The following THSD4 variants were observed in gnomAD, a reference collection of about 807,000 sequenced individuals.
THSD4 encodes thrombospondin type-1 domain-containing protein 4.
A neutral mutation model predicts 119.0 loss-of-function variants in THSD4; 69 were observed. That is an observed-to-expected ratio of 0.58 (90% CI 0.48 to 0.71). The LOEUF is 0.71. Ranked by LOEUF, THSD4 falls within the 30% of genes least tolerant of loss-of-function variation. THSD4 has a pLI of 0.00. For synonymous variants in THSD4, 524 were observed against 540.4 expected (o/e 0.97, Z 0.42); for missense variants, 1,393 against 1,391.1 (o/e 1.00, Z -0.02).
chr15:71,384,593 C>T (rs1369457862), intron 6 of THSD4, among the ~76,000 whole-genome samples: 1 of 152,024 alleles, frequency 6.6e-6, no homozygotes, highest in East Asian at 1.9e-4. Flanking sequence ...TTTTTATTTG[C>T]CTTTTGCAAA....
intron 7 of THSD4, among the ~76,000 whole-genome samples, chr15:71,571,933 C>G (rs1423645853): frequency 6.6e-6 from 1 of 152,168 alleles, no homozygotes; most frequent in African/African-American, 2.4e-5. Flanking sequence ...ATTATATTTT[C>G]TTTCTTCAGC....
chr15:71,435,546 G>A (rs548227322), intron 7 of THSD4, among the ~76,000 whole-genome samples: 1 of 152,312 alleles, frequency 6.6e-6, no homozygotes, highest in East Asian at 1.9e-4. Context: ...TTCATGGAAA[G>A]TCCCTGAGGT....
chr15:71,530,909 G>C (rs1567023273), intron 7 of THSD4, among the ~76,000 whole-genome samples: 2 of 145,082 alleles, frequency 1.4e-5, no homozygotes, highest in Admixed American at 7.1e-5. Flanking sequence ...TCTAGAAAGT[G>C]AAGTACAGGG....
At chr15:71,676,808 T>G (rs935259929) in intron 8 of THSD4, among the ~76,000 whole-genome samples, 1 of 152,214 alleles carries the variant, frequency 6.6e-6, no homozygotes, top group Non-Finnish European at 1.5e-5. Flanking sequence ...AGAATTTCAT[T>G]TCTTTTTTAT....
chr15:71,542,496 C>T lies in THSD4; in HGVS notation c.1153-118034C>T, dbSNP rs529893173. ...TCATATTGAAATAGAATACCCCTGA[C>T]GAATGTGATAAGAAGGGCATTTTGC... is the stretch of plus-strand genomic sequence containing the variant. On this transcript the variant is annotated intron_variant, in intron 7 of 17. Transcript: ENST00000261862. 4.6e-5 allele frequency among the ~76,000 whole-genome samples: 7 copies of T among 152,052 alleles called. No homozygotes were observed. In the East Asian group the frequency reaches 1.4e-3, roughly 29 times the overall value.
At chr15:71,594,578 G>C (rs932002271) in intron 7 of THSD4, among the ~76,000 whole-genome samples, 3 of 152,096 alleles carry the variant, frequency 2.0e-5, no homozygotes, top group Non-Finnish European at 4.4e-5. Context: ...AATCAAAGAG[G>C]CTCCCCACAT....
At chr15:71,282,424 AAAG>A (rs1007348132) in intron 6 of THSD4, among the ~76,000 whole-genome samples, 7 of 138,900 alleles carry the variant, frequency 5.0e-5, no homozygotes, top group Non-Finnish European at 8.0e-5. Context: ...AAATAGGAAA[AAAG>A]AAGACAAGGA....
At chr15:71,536,889 T>C (rs2048695261) in intron 7 of THSD4, among the ~76,000 whole-genome samples, 1 of 152,176 alleles carries the variant, frequency 6.6e-6, no homozygotes, top group South Asian at 2.1e-4. Flanking sequence ...GAAAAGACTA[T>C]TCTTCCCTTA....
intron 8 of THSD4, among the ~76,000 whole-genome samples, chr15:71,725,879 T>C (rs1462238337): frequency 6.6e-6 from 1 of 152,010 alleles, no homozygotes; most frequent in African/African-American, 2.4e-5. Context: ...TCTCCCAGGT[T>C]CAAGCAATTC....
chr15:71,387,181 C>G (rs6494916), intron 6 of THSD4, among the ~76,000 whole-genome samples: 126,515 of 151,818 alleles, frequency 0.83, 52,752 homozygotes, highest in Admixed American at 0.86. Context: ...CTGGAAACTA[C>G]CTGCTAGGCA....
intron 17 of THSD4, among the ~76,000 whole-genome samples, chr15:71,774,323 A>ATC (rs1555451852): frequency 2.7e-5 from 4 of 147,832 alleles, no homozygotes; most frequent in Admixed American, 1.4e-4. Flanking sequence ...AAAAAAAAAA[A>ATC]AAAACTACAA....
At chr15:71,250,680 T>C (rs1444653589) in intron 5 of THSD4, among the ~76,000 whole-genome samples, 1 of 152,164 alleles carries the variant, frequency 6.6e-6, no homozygotes, top group Non-Finnish European at 1.5e-5. Flanking sequence ...AAAAAAGAAT[T>C]CTTTTTTAGA....
intron 7 of THSD4, among the ~76,000 whole-genome samples, chr15:71,550,741 C>T (rs6494947): frequency 0.67 from 102,037 of 152,082 alleles, 37,270 homozygotes; most frequent in Non-Finnish European, 0.82. Context: ...TTAATTTTGA[C>T]GGTACAGTAT....
intron 6 of THSD4, among the ~76,000 whole-genome samples, chr15:71,408,704 T>C (rs549898358): frequency 6.6e-6 from 1 of 152,098 alleles, no homozygotes; most frequent in African/African-American, 2.4e-5. Context: ...ATACAACAAT[T>C]AGCTGGGTGT....
intron 7 of THSD4, among the ~76,000 whole-genome samples, chr15:71,632,493 T>C (rs890447618): frequency 1.3e-5 from 2 of 152,246 alleles, no homozygotes; most frequent in Non-Finnish European, 2.9e-5. Context: ...CTTTGGCCAC[T>C]CTGTGGTCCT....
At chr15:71,669,575 T>C (rs750665443) in intron 8 of THSD4, among the ~76,000 whole-genome samples, 10 of 152,220 alleles carry the variant, frequency 6.6e-5, no homozygotes, top group Non-Finnish European at 1.5e-4. Context: ...TAACTAGCTT[T>C]TAAGAATTTT....
chr15:71,540,919 C>T (rs764387493), intron 7 of THSD4, among the ~76,000 whole-genome samples: 46 of 152,116 alleles, frequency 3.0e-4, no homozygotes, highest in African/African-American at 1.1e-3. Flanking sequence ...GATGGGGTTT[C>T]ACCATGTTGG....
At chr15:71,542,872 G>A (rs1402747049) in intron 7 of THSD4, among the ~76,000 whole-genome samples, 1 of 134,530 alleles carries the variant, frequency 7.4e-6, no homozygotes, top group Non-Finnish European at 1.6e-5. Context: ...GCAAGACTCT[G>A]TCTCAAAAAA....
chr15:71,188,770 T>C lies in THSD4; in HGVS notation c.100-26265T>C, dbSNP rs1323167296. The C allele has an allele frequency of 2.6e-5, 4 of 152,618 alleles. No individual in the cohort carries two copies. In the East Asian group the frequency reaches 7.7e-4, roughly 29 times the overall value. The allele number at this position is 152,618 out of a possible 1,614,324, so 9.5% of individuals were successfully genotyped here. A position where few individuals can be genotyped will look rare whatever the true frequency, so the allele number is the denominator to read the frequency against. Reference sequence around the variant, plus strand: ...GTTTTAACATCAGTTAAAATAATTATTGTAGCATGATTTCTGACAGGAACA... The same window carrying C: ...GTTTTAACATCAGTTAAAATAATTACTGTAGCATGATTTCTGACAGGAACA... On this transcript the variant is annotated intron_variant, in intron 3 of 17. Transcript: ENST00000261862.
Sources: gnomAD v4.1 joint callset for allele counts (sites outside exome capture counted in the v4.1 genomes callset) on GRCh38, gnomAD v4.1.1 for gene constraint, MANE v1.5 for transcripts, NCBI Gene and HGNC (gene_info 2026-07-23, HGNC 2026-07-21) for gene names.